ZCCHC8: variants seen among roughly 807,000 people sequenced by gnomAD.
ZCCHC8 encodes the protein zinc finger CCHC domain-containing protein 8.
Under a neutral mutation model 70.6 loss-of-function variants are expected in ZCCHC8, and 27 were observed. The observed-to-expected ratio is 0.38, with a 90% CI of 0.28 to 0.53. The LOEUF is 0.53. ZCCHC8 is among the 20% of genes least tolerant of loss of function. The pLI is 0.81. For synonymous variants in ZCCHC8, 293 were observed against 317.4 expected (o/e 0.92, Z 0.82); for missense variants, 737 against 876.9 (o/e 0.84, Z 2.01).
In ZCCHC8 at chr12:122,474,251, T is replaced by A. The variant is rs564778717; in HGVS notation, c.1370A>T (p.Gln457Leu). ...DSDMEVPHGS[Q>L]SSESFQFQPP... Reference sequence around the variant, plus strand: ...TTGAAACTGAAAACTTTCGCTGCTCTGAGAACCATGTGGTACCTCCATATC... The same window carrying A: ...TTGAAACTGAAAACTTTCGCTGCTCAGAGAACCATGTGGTACCTCCATATC... Residue 457 changes from glutamine (Q) to leucine (L), a missense_variant, in exon 14 of 14, where the codon CAG (glutamine) becomes CTG (leucine). Physicochemically the swap from Gln to Leu is moderately radical, Grantham distance 113. Coordinates refer to ENST00000633063, the MANE Select transcript of ZCCHC8 (RefSeq NM_017612.5). 4.8e-6 allele frequency: 7 copies of A among 1,465,412 alleles called. No individual in the cohort carries two copies. In the African/African-American group the frequency reaches 1.0e-4, roughly 21 times the overall value. 90.8% of individuals were successfully genotyped at this position (1,465,412 alleles called of 1,614,324 possible).
At chr12:122,481,454 T>A in intron 10 of ZCCHC8, 68 bp downstream of exon 10, 1 of 1,470,414 alleles carries the variant, frequency 6.8e-7, no homozygotes, top group Non-Finnish European at 9.0e-7. Flanking sequence ...TCACATTTTG[T>A]TGTGATTCTT....
Position 122,500,560 on chromosome 12 carries a change from G to A in ZCCHC8, c.199+82C>T, listed in dbSNP as rs1957908614. 3 of 1,436,202 alleles carry A rather than the reference G, an allele frequency of 2.1e-6. No individual in the cohort carries two copies. Among genetic ancestry groups the A allele is most frequent in the Non-Finnish European group, 1.8e-6 (2 of 1,090,618 alleles). 89.0% of individuals were successfully genotyped at this position (1,436,202 alleles called of 1,614,324 possible). On this transcript the variant is annotated intron_variant, in intron 1 of 13. Transcript: ENST00000633063. The surrounding 1 kb of genome is among the most constrained non-coding windows in gnomAD (Gnocchi z 4.8). ...AACTTCCGCCCGCGCCCTCGCCCTC[G>A]CCCGGCGCTGCCCCGGCCCCACGCC...
chr12:122,486,860 G>A (rs544984113), intron 5 of ZCCHC8, among the ~76,000 whole-genome samples: 31 of 152,220 alleles, frequency 2.0e-4, no homozygotes, highest in African/African-American at 7.2e-4. Flanking sequence ...GTGAGCCGCC[G>A]TGCCAGGCCA....
At chr12:122,498,305 T>C (rs1412783440) in intron 2 of ZCCHC8, among the ~76,000 whole-genome samples, 2 of 152,152 alleles carry the variant, frequency 1.3e-5, no homozygotes, top group Non-Finnish European at 2.9e-5. Flanking sequence ...CTTATTTTTG[T>C]AATTTTAGTA....
rs369055477 is a variant in ZCCHC8, at chr12:122,494,912, T to C, written c.243-2123A>G. On this transcript the variant is annotated intron_variant, in intron 2 of 13. Coordinates refer to ENST00000633063, the MANE Select transcript of ZCCHC8 (RefSeq NM_017612.5). ...TGCATGGTTCCTAAAGTGAGTCCAG[T>C]TTGATGAACCAGCTATAAATATACT... is the stretch of plus-strand genomic sequence containing the variant. Among the ~76,000 whole-genome samples the C allele has an allele frequency of 4.1e-4, 63 of 152,302 alleles. No individual in the cohort carries two copies. The East Asian group carries it at 8.1e-3, about 20-fold the overall frequency.
Position 122,478,296 on chromosome 12 carries a change from A to G in ZCCHC8, c.1141-4T>C. 1 of 1,571,544 alleles carries G rather than the reference A, an allele frequency of 6.4e-7. No homozygotes were observed. The highest frequency in any genetic ancestry group is 8.6e-7 in the Non-Finnish European group (1 of 1,159,154). On this transcript the variant is annotated splice_polypyrimidine_tract_variant and splice_region_variant and intron_variant, in intron 11 of 13. Coordinates refer to ENST00000633063, the MANE Select transcript of ZCCHC8 (RefSeq NM_017612.5). The stretch of plus-strand genomic sequence containing the variant: ...TGGAACCAAAGATCCTCCATTCCTA[A>G]TGATGAAAAGAGAAGGAAAAAAAAA...
Position 122,500,435 on chromosome 12 carries a change from G to A in ZCCHC8, c.199+207C>T, listed in dbSNP as rs1053587091. 3 of 656,180 alleles carry A rather than the reference G, an allele frequency of 4.6e-6. No individual in the cohort carries two copies. The highest frequency in any genetic ancestry group is 3.7e-5 in the African/African-American group (2 of 53,970). 40.6% of individuals were successfully genotyped at this position (656,180 alleles called of 1,614,324 possible). ...TCTGGTCAGGAGACGGCCTCCCTGA[G>A]GGGAAGAGGTCTGCGCCGAGGCAGC... is the stretch of plus-strand genomic sequence containing the variant. On this transcript the variant is annotated intron_variant, in intron 1 of 13. Coordinates refer to ENST00000633063, the MANE Select transcript of ZCCHC8 (RefSeq NM_017612.5). This position sits in a 1 kb window ranked among gnomAD's most constrained non-coding sequence, Gnocchi z 4.8.
chr12:122,489,078 G>C (rs1373373645), intron 5 of ZCCHC8, among the ~76,000 whole-genome samples: 1 of 152,214 alleles, frequency 6.6e-6, no homozygotes, highest in South Asian at 2.1e-4. Flanking sequence ...ATCCCTCTCA[G>C]CTTTAGCCAT....
chr12:122,482,545 A>T, intron 8 of ZCCHC8, 90 bp downstream of exon 8: 1 of 905,876 alleles, frequency 1.1e-6, no homozygotes, highest in Non-Finnish European at 1.6e-6. Flanking sequence ...GAACAAAGAA[A>T]GTTCCTTCAT....
chr12:122,484,623 C>T (rs1957600234), intron 5 of ZCCHC8, among the ~76,000 whole-genome samples: 2 of 150,962 alleles, frequency 1.3e-5, no homozygotes, highest in African/African-American at 4.9e-5. Flanking sequence ...AAACTCCTGG[C>T]CTCAAGCAAT....
chr12:122,499,326 T>C (rs979100234), intron 1 of ZCCHC8: 1 of 163,930 alleles, frequency 6.1e-6, no homozygotes, highest in Admixed American at 6.2e-5. Context: ...TGGAGTGCAA[T>C]GGTGTGATCT....
intron 13 of ZCCHC8, among the ~76,000 whole-genome samples, chr12:122,476,777 C>T (rs1432629720): frequency 2.0e-5 from 3 of 152,050 alleles, no homozygotes. Flanking sequence ...AATCCCAGCA[C>T]TTTGGGAGGT....
intron 5 of ZCCHC8, among the ~76,000 whole-genome samples, chr12:122,484,468 A>G (rs142916111): frequency 8.4e-4 from 126 of 150,136 alleles, no homozygotes; most frequent in African/African-American, 3.0e-3. Context: ...GCTGGAATGC[A>G]GTGGCATGAT....
Position 122,490,423 on chromosome 12 carries a change from A to G in ZCCHC8, c.423+39T>C, listed in dbSNP as rs373155766. The G allele has an allele frequency of 1.1e-4, 160 of 1,511,624 alleles. 1 individual carries two copies. In the African/African-American group the frequency reaches 1.8e-3, roughly 17 times the overall value. 93.6% of individuals were successfully genotyped at this position (1,511,624 alleles called of 1,614,324 possible). On this transcript the variant is annotated intron_variant, in intron 4 of 13. Coordinates refer to ENST00000633063, the MANE Select transcript of ZCCHC8 (RefSeq NM_017612.5). ...GGCCCAATAATTGGCAGTGAAACGC[A>G]TAACTTACTAATCTTAAAGTCTCTT...
chr12:122,480,537 T>C (rs981518232), intron 10 of ZCCHC8: 7 of 354,604 alleles, frequency 2.0e-5, no homozygotes, highest in African/African-American at 1.5e-4. Context: ...AGTGGCACCA[T>C]CTTGGCTCAC....
At chr12:122,490,036 T>C (rs963321417) in intron 4 of ZCCHC8, among the ~76,000 whole-genome samples, 7 of 151,810 alleles carry the variant, frequency 4.6e-5, no homozygotes, top group Non-Finnish European at 7.4e-5. Flanking sequence ...CTCTCTCTCT[T>C]TTTTTTAAAA....
At chr12:122,478,393 A>G in intron 11 of ZCCHC8, 101 bp from the exon 12 acceptor site, 2 of 783,348 alleles carry the variant, frequency 2.6e-6, no homozygotes, top group Non-Finnish European at 4.1e-6. Flanking sequence ...CTCAAATTAC[A>G]TTTTTCCTTC....
chr12:122,480,170 A>C lies in ZCCHC8; in HGVS notation c.1140+20T>G. On this transcript the variant is annotated intron_variant, in intron 11 of 13. Transcript: ENST00000633063. ...ATAATATCACATCACATGATAATTT[A>C]AAAAAATCAATATACTTACGTCTGG... 5.2e-6 allele frequency: 8 copies of C among 1,538,346 alleles called. No homozygotes were observed. The highest frequency in any genetic ancestry group is 7.1e-6 in the Non-Finnish European group (8 of 1,129,382).
Position 122,500,609 on chromosome 12 carries a change from CG to C in ZCCHC8, c.199+32del. 6.5e-7 allele frequency: 1 copy of C among 1,535,128 alleles called. No homozygotes were observed. The highest frequency in any genetic ancestry group is 1.2e-5 in the South Asian group (1 of 83,820). ...CCTGGCGCTGCCCCGGCCCCACACCCGGGTGACAGGGCCCAGCGAGAGGAAA... is the reference window on the plus strand; with the variant it reads ...CCTGGCGCTGCCCCGGCCCCACACCCGGTGACAGGGCCCAGCGAGAGGAAA... On this transcript the variant is annotated intron_variant, in intron 1 of 13. Transcript: ENST00000633063. This position sits in a 1 kb window ranked among gnomAD's most constrained non-coding sequence, Gnocchi z 4.8.
Sources: gnomAD v4.1 joint callset for allele counts (sites outside exome capture counted in the v4.1 genomes callset) on GRCh38, gnomAD v4.1.1 for gene constraint, Gnocchi (gnomAD v3.1) non-coding constraint, MANE v1.5 for transcripts, NCBI Gene and HGNC (gene_info 2026-07-23, HGNC 2026-07-21) for gene names.